TGM6: variants seen among roughly 807,000 people sequenced by gnomAD.
TGM6 encodes transglutaminase 6.
In TGM6, 74 loss-of-function variants were observed where a neutral mutation model predicts 77.5. The ratio of observed to expected loss-of-function variants is 0.96; its 90% CI spans 0.79 to 1.16. The LOEUF (loss-of-function observed/expected upper bound fraction) is 1.16. Ranked by LOEUF, TGM6 falls within the 50% of genes most tolerant of loss-of-function variation. TGM6 has a pLI of 0.00. For missense variants in TGM6, 968 were observed against 940.2 expected (o/e 1.03, Z -0.39); for synonymous variants, 383 against 378.9 (o/e 1.01, Z -0.12).
chr20:2,426,325 A>G (rs980918171), intron 10 of TGM6, among the ~76,000 whole-genome samples: 1 of 152,118 alleles, frequency 6.6e-6, no homozygotes. Flanking sequence ...ATATAGGAAA[A>G]TGATTGACTT....
Position 2,396,635 on chromosome 20 carries a change from G to T in TGM6, c.543+11G>T, listed in dbSNP as rs748778105. 1.2e-6 allele frequency: 2 copies of T among 1,613,412 alleles called. No individual in the cohort carries two copies. Among genetic ancestry groups the T allele is most frequent in the South Asian group, 2.2e-5 (2 of 91,066 alleles). ...TGGAACTACGGGCAGGTCTCCAGGGGCACAGGCCAGACAAGGATGTGGGCT... is the reference window on the plus strand; with the variant it reads ...TGGAACTACGGGCAGGTCTCCAGGGTCACAGGCCAGACAAGGATGTGGGCT... On this transcript the variant is annotated intron_variant, in intron 4 of 12. Coordinates refer to ENST00000202625, the MANE Select transcript of TGM6 (RefSeq NM_198994.3).
At chr20:2,392,188 T>C (rs1382414610) in intron 1 of TGM6, among the ~76,000 whole-genome samples, 2 of 152,154 alleles carry the variant, frequency 1.3e-5, no homozygotes, top group Admixed American at 6.5e-5. Context: ...CAGTGCGTAT[T>C]TGATGGACTG....
chr20:2,432,032 GT>G (rs985815603), intron 12 of TGM6, among the ~76,000 whole-genome samples: 21 of 151,996 alleles, frequency 1.4e-4, no homozygotes, highest in African/African-American at 4.8e-4. Flanking sequence ...TTGGAAATAT[GT>G]TTTTTTGGTT....
chr20:2,411,564 C>T (rs1031734307), intron 9 of TGM6, among the ~76,000 whole-genome samples: 2 of 152,086 alleles, frequency 1.3e-5, no homozygotes, highest in Non-Finnish European at 2.9e-5. Context: ...AAACGTTGAA[C>T]ATTTACACCC....
chr20:2,388,414 T>A (rs1393548218), intron 1 of TGM6, among the ~76,000 whole-genome samples: 1 of 152,166 alleles, frequency 6.6e-6, no homozygotes, highest in African/African-American at 2.4e-5. Flanking sequence ...AAAGGCACCA[T>A]AGCCTGGGGA....
chr20:2,405,881 C>T lies in TGM6; in HGVS notation c.1336+2058C>T, dbSNP rs902580620. On this transcript the variant is annotated intron_variant, in intron 9 of 12. Coordinates refer to ENST00000202625, the MANE Select transcript of TGM6 (RefSeq NM_198994.3). Reference sequence around the variant, plus strand: ...ACTGGCTGTCTCCCACCTGCTGTCTCCCTTCAATTCTCTTCTCCCTGCTCA... The same window carrying T: ...ACTGGCTGTCTCCCACCTGCTGTCTTCCTTCAATTCTCTTCTCCCTGCTCA... 5.3e-5 allele frequency among the ~76,000 whole-genome samples: 8 copies of T among 152,148 alleles called. No homozygotes were observed. In the East Asian group the frequency reaches 1.5e-3, roughly 29 times the overall value.
chr20:2,393,769 C>T (rs1213689971), intron 1 of TGM6, among the ~76,000 whole-genome samples: 3 of 152,104 alleles, frequency 2.0e-5, no homozygotes, highest in Non-Finnish European at 2.9e-5. Flanking sequence ...TTAGGCAATC[C>T]GCCCACCTCG....
At chr20:2,393,660 G>A (rs1018229353) in intron 1 of TGM6, among the ~76,000 whole-genome samples, 3 of 151,990 alleles carry the variant, frequency 2.0e-5, no homozygotes, top group Non-Finnish European at 4.4e-5. Flanking sequence ...GAGTGGCTGG[G>A]ATTACAGGCA....
chr20:2,420,585 C>T (rs6132633), intron 10 of TGM6, among the ~76,000 whole-genome samples: 26,250 of 152,160 alleles, frequency 0.17, 2,351 homozygotes, highest in East Asian at 0.27. Context: ...CACTGTCATA[C>T]AGAATAGTTT....
At chr20:2,395,046 C>T (rs935189232) in intron 2 of TGM6, 148 bp from the exon 3 acceptor site, 38 of 1,336,024 alleles carry the variant, frequency 2.8e-5, no homozygotes, top group Non-Finnish European at 3.5e-5. Context: ...GGCCACTGGC[C>T]TTCTTGCTCT....
At chr20:2,400,603 G>A (rs1568659414) in intron 7 of TGM6, among the ~76,000 whole-genome samples, 159 bp downstream of exon 7, 1 of 152,152 alleles carries the variant, frequency 6.6e-6, no homozygotes, top group Non-Finnish European at 1.5e-5. Context: ...CCTGCGGATA[G>A]TGGTGCCTCT....
chr20:2,415,575 A>G (rs1004268), intron 9 of TGM6, among the ~76,000 whole-genome samples: 4 of 152,310 alleles, frequency 2.6e-5, no homozygotes, highest in Non-Finnish European at 4.4e-5. Flanking sequence ...GGCAGTTTGT[A>G]TGGTGGTTTG....
chr20:2,388,114 T>C (rs1388326569), intron 1 of TGM6, among the ~76,000 whole-genome samples: 2 of 152,110 alleles, frequency 1.3e-5, no homozygotes, highest in African/African-American at 4.8e-5. Context: ...GTCCAGAGGG[T>C]GGGAATATAT....
rs2084668239 is a variant in TGM6, at chr20:2,396,486, G to A, written c.425-20G>A. 1 of 1,611,960 alleles carries A rather than the reference G, an allele frequency of 6.2e-7. No homozygotes were observed. Among genetic ancestry groups the A allele is most frequent in the African/African-American group, 1.3e-5 (1 of 75,002 alleles). Reference sequence around the variant, plus strand: ...AGGCCAGAGCCCCAGTCCACACCGGGCCTGATGACTGCTTTTCAGAGGACG... The same window carrying A: ...AGGCCAGAGCCCCAGTCCACACCGGACCTGATGACTGCTTTTCAGAGGACG... On this transcript the variant is annotated intron_variant, in intron 3 of 12. Coordinates refer to ENST00000202625, the MANE Select transcript of TGM6 (RefSeq NM_198994.3).
At chr20:2,419,633 A>G (rs1278778785) in intron 10 of TGM6, among the ~76,000 whole-genome samples, 1 of 152,138 alleles carries the variant, frequency 6.6e-6, no homozygotes, top group African/African-American at 2.4e-5. Flanking sequence ...TTTTTGAAAA[A>G]CAGTTCTGGT....
intron 1 of TGM6, among the ~76,000 whole-genome samples, chr20:2,391,700 A>G (rs373225854): frequency 1.3e-5 from 2 of 152,202 alleles, no homozygotes; most frequent in Admixed American, 6.5e-5. Flanking sequence ...TATCTAATCA[A>G]TCTTCCACAT....
intron 1 of TGM6, among the ~76,000 whole-genome samples, chr20:2,385,369 G>T (rs1380973405): frequency 6.6e-6 from 1 of 152,098 alleles, no homozygotes; most frequent in African/African-American, 2.4e-5. Context: ...GGAGGGGGGA[G>T]GTGTTGAGGT....
chr20:2,431,000 G>A lies in TGM6; in HGVS notation c.1940G>A (p.Gly647Asp), dbSNP rs759450719. 1.9e-6 allele frequency: 3 copies of A among 1,614,086 alleles called. No individual in the cohort carries two copies. Among genetic ancestry groups the A allele is most frequent in the East Asian group, 4.5e-5 (2 of 44,866 alleles). ...KDCALMVEGSGLLQEQLSIDV... is the reference protein window; with the variant it reads ...KDCALMVEGSDLLQEQLSIDV... ...TGTGCGCTGATGGTGGAGGGCAGCG[G>A]CCTTCTCCAGGAACAGCTCAGCATC... Residue 647 changes from glycine (G) to aspartate (D), a missense_variant, in exon 12 of 13, where the codon GGC becomes GAC. By Grantham distance (94) the Gly-to-Asp change is moderately conservative (BLOSUM62 -1). Transcript: ENST00000202625.
intron 9 of TGM6, among the ~76,000 whole-genome samples, chr20:2,413,832 C>T (rs1360737983): frequency 1.3e-5 from 2 of 152,136 alleles, no homozygotes; most frequent in East Asian, 1.9e-4. Flanking sequence ...TCATGATCTT[C>T]GGTTAGACCA....
Sources: gnomAD v4.1 joint callset for allele counts (sites outside exome capture counted in the v4.1 genomes callset) on GRCh38, gnomAD v4.1.1 for gene constraint, MANE v1.5 for transcripts, NCBI Gene and HGNC (gene_info 2026-07-23, HGNC 2026-07-21) for gene names.